Variants in LIMA1 observed in about 807,000 individuals in gnomAD.
The protein encoded by LIMA1 is LIM domain and actin binding 1, also known as LIM domain and actin-binding protein 1.
Under a neutral mutation model 62.6 loss-of-function variants are expected in LIMA1, and 52 were observed. That is an observed-to-expected ratio of 0.83 (90% CI 0.67 to 1.05). LIMA1 has a LOEUF of 1.05. Among genes scored for constraint, LIMA1 ranks in the 50% least tolerant of loss-of-function variants. LIMA1 has a pLI of 0.00. For missense variants in LIMA1, 780 were observed against 902.2 expected, an observed-to-expected ratio of 0.86 and a Z score of 1.74; for synonymous variants, 302 against 317.8, an observed-to-expected ratio of 0.95 and a Z score of 0.53.
chr12:50,218,725 G>A (rs1941391405), intron 4 of LIMA1, among the ~76,000 whole-genome samples: 1 of 151,978 alleles, frequency 6.6e-6, no homozygotes, highest in Non-Finnish European at 1.5e-5. Context: ...GGGCAACATA[G>A]CGAAACGCTG....
At chr12:50,201,181 G>A in intron 6 of LIMA1, 1 of 1,093,744 alleles carries the variant, frequency 9.1e-7, no homozygotes, top group Non-Finnish European at 1.1e-6. Context: ...CAACATTCTT[G>A]TGATTCACTC....
chr12:50,203,931 G>C (rs1248492163), intron 6 of LIMA1, among the ~76,000 whole-genome samples: 1 of 152,194 alleles, frequency 6.6e-6, no homozygotes, highest in Non-Finnish European at 1.5e-5. Flanking sequence ...GAGAGCAGGG[G>C]AAGTTGGGAG....
At chr12:50,245,775 T>C (rs1941840100) in intron 2 of LIMA1, among the ~76,000 whole-genome samples, 1 of 150,940 alleles carries the variant, frequency 6.6e-6, no homozygotes, top group African/African-American at 2.4e-5. Flanking sequence ...GCCACTGCAA[T>C]GAAGGGGAGG....
chr12:50,223,050 G>C (rs1941474216), intron 3 of LIMA1, among the ~76,000 whole-genome samples: 1 of 152,036 alleles, frequency 6.6e-6, no homozygotes, highest in African/African-American at 2.4e-5. Flanking sequence ...GAAGTCCCCA[G>C]ACTTTCCAAG....
rs1941556811 is a variant in LIMA1 at position 50,227,938 on chromosome 12, C to T, written c.165+3727G>A. On this transcript the variant is annotated intron_variant, in intron 3 of 10. Transcript: ENST00000341247. ...GCAGTGGCGCGGTCTTGGCTCACTG[C>T]AAGCTCCGCCTCCTGGGTTCATGCC... Among the ~76,000 whole-genome samples the T allele has an allele frequency of 2.0e-5, 3 of 151,380 alleles. No homozygotes were observed. In the South Asian group the frequency reaches 6.3e-4, roughly 32 times the overall value.
chr12:50,248,583 CA>C lies in LIMA1; in HGVS notation c.119+49del, dbSNP rs761589628. On this transcript the variant is annotated intron_variant, in intron 2 of 10. Coordinates refer to ENST00000341247, the MANE Select transcript of LIMA1 (RefSeq NM_016357.5). ...CTTCACCAATTTCCCTGACAGGTGG[CA>C]ATGTGTGCTCCAGACAGATGGTCCT... The C allele has an allele frequency of 9.0e-6, 10 of 1,105,390 alleles. No individual in the cohort carries two copies. The African/African-American group carries it at 1.5e-4, about 17-fold the overall frequency. 68.5% of individuals were successfully genotyped at this position (1,105,390 alleles called of 1,614,324 possible).
chr12:50,226,034 A>G (rs899769831), intron 3 of LIMA1, among the ~76,000 whole-genome samples: 1 of 151,942 alleles, frequency 6.6e-6, no homozygotes, highest in Non-Finnish European at 1.5e-5. Context: ...TTTGTTATCT[A>G]TTTTATTTAT....
At chr12:50,254,272 G>A (rs759500605) in intron 1 of LIMA1, among the ~76,000 whole-genome samples, 1 of 152,168 alleles carries the variant, frequency 6.6e-6, no homozygotes, top group South Asian at 2.1e-4. Flanking sequence ...TAGAAGGATC[G>A]TTGCATGACA....
intron 4 of LIMA1, among the ~76,000 whole-genome samples, chr12:50,214,611 A>T (rs1941313096): frequency 6.6e-6 from 1 of 152,258 alleles, no homozygotes; most frequent in African/African-American, 2.4e-5. Context: ...GTTCAAGACC[A>T]GCCTGACCCA....
At chr12:50,194,155 CT>C (rs1358955438) in intron 8 of LIMA1, among the ~76,000 whole-genome samples, 1 of 144,102 alleles carries the variant, frequency 6.9e-6, no homozygotes, top group Non-Finnish European at 1.5e-5. Context: ...ATCCGGCTAA[CT>C]TTTTGTGTTT....
chr12:50,245,261 A>C (rs1488251478), intron 2 of LIMA1, among the ~76,000 whole-genome samples: 2 of 151,718 alleles, frequency 1.3e-5, no homozygotes, highest in Non-Finnish European at 2.9e-5. Context: ...CAAAAATAAA[A>C]AATTAGACGG....
intron 2 of LIMA1, among the ~76,000 whole-genome samples, chr12:50,246,245 A>G (rs1941847752): frequency 6.6e-6 from 1 of 151,514 alleles, no homozygotes; most frequent in South Asian, 2.1e-4. Context: ...AAAAAAAAAA[A>G]AAAAAGAAAG....
At chr12:50,263,851 T>TATAGAGAG (rs1555210866) in intron 1 of LIMA1, among the ~76,000 whole-genome samples, 1 of 127,886 alleles carries the variant, frequency 7.8e-6, no homozygotes, top group South Asian at 2.5e-4. Context: ...TATATATATA[T>TATAGAGAG]AGAGAGTATA....
chr12:50,195,762 A>G, intron 8 of LIMA1, 68 bp downstream of exon 8: 2 of 1,471,158 alleles, frequency 1.4e-6, no homozygotes, highest in South Asian at 1.3e-5. Context: ...AGTAATGGGA[A>G]CACCCCTGAA....
chr12:50,264,607 A>G (rs1248071036), intron 1 of LIMA1, among the ~76,000 whole-genome samples: 1 of 152,272 alleles, frequency 6.6e-6, no homozygotes, highest in East Asian at 1.9e-4. Context: ...CTTTCCTTCT[A>G]TGTAAAAGGA....
At chr12:50,240,410 G>C (rs1206744738) in intron 2 of LIMA1, among the ~76,000 whole-genome samples, 1 of 152,176 alleles carries the variant, frequency 6.6e-6, no homozygotes, top group East Asian at 1.9e-4. Context: ...GAATGGACTG[G>C]AGGGGCTGAG....
At chr12:50,204,816 C>A (rs772803510) in intron 5 of LIMA1, 116 bp from the exon 6 acceptor site, 8 of 940,882 alleles carry the variant, frequency 8.5e-6, no homozygotes, top group Non-Finnish European at 1.3e-5. Flanking sequence ...AACTCCTGAG[C>A]TCAAGATATC....
intron 2 of LIMA1, among the ~76,000 whole-genome samples, chr12:50,232,550 G>A (rs947280481): frequency 6.6e-6 from 1 of 151,916 alleles, no homozygotes; most frequent in Non-Finnish European, 1.5e-5. Context: ...TGTATTTTTC[G>A]TAGAGACAGG....
intron 4 of LIMA1, among the ~76,000 whole-genome samples, chr12:50,211,482 T>TA (rs35404088): frequency 0.053 from 7,263 of 136,794 alleles, 452 homozygotes; most frequent in East Asian, 0.17. Flanking sequence ...GTCTCTGCTT[T>TA]AAAAAAAAAA....
Sources: allele counts gnomAD v4.1 joint callset (sites outside exome capture counted in the v4.1 genomes callset), GRCh38; gene constraint gnomAD v4.1.1; transcripts MANE v1.5; gene names NCBI Gene and HGNC (gene_info 2026-07-23, HGNC 2026-07-21).